Variants in FRMD3 observed in about 807,000 individuals in gnomAD.
The protein encoded by FRMD3 is FERM domain containing 3, also known as FERM domain-containing protein 3.
FRMD3 carries 33 observed loss-of-function variants against 70.2 expected under a neutral mutation model. That is an observed-to-expected ratio of 0.47 (90% CI 0.36 to 0.63). The LOEUF (loss-of-function observed/expected upper bound fraction) is 0.63, where lower values mean the gene tolerates loss of function less well. Among genes scored for constraint, FRMD3 ranks in the 20% least tolerant of loss-of-function variants. FRMD3 has a pLI of 0.00. For missense variants in FRMD3, 632 were observed against 711.4 expected, an observed-to-expected ratio of 0.89 and a Z score of 1.27; for synonymous variants, 279 against 255.9, an observed-to-expected ratio of 1.09 and a Z score of -0.86.
At chr9:83,333,386 G>A (rs1188279039) in intron 6 of FRMD3, among the ~76,000 whole-genome samples, 1 of 151,952 alleles carries the variant, frequency 6.6e-6, no homozygotes, top group African/African-American at 2.4e-5. Context: ...TTTATAAAGT[G>A]CGAGTGACTG....
At chr9:83,553,285 T>C in the FRMD3 span, among the ~76,000 whole-genome samples, 1 of 152,234 alleles carries the variant, frequency 6.6e-6, no homozygotes, top group Non-Finnish European at 1.5e-5. Context: ...TCTTTAAGAA[T>C]GTTGAATATA....
chr9:83,567,358 G>T, the FRMD3 span, among the ~76,000 whole-genome samples: 1 of 152,180 alleles, frequency 6.6e-6, no homozygotes, highest in Non-Finnish European at 1.5e-5. Context: ...AGGCCTCTGG[G>T]CCTGTGCTGG....
At chr9:83,268,180 C>T (rs1289903935) in intron 13 of FRMD3, among the ~76,000 whole-genome samples, 1 of 152,188 alleles carries the variant, frequency 6.6e-6, no homozygotes, top group Non-Finnish European at 1.5e-5. Flanking sequence ...TTTCAACACG[C>T]CTGCATACAT....
At chr9:83,549,001 T>C in the FRMD3 span, among the ~76,000 whole-genome samples, 1 of 152,080 alleles carries the variant, frequency 6.6e-6, no homozygotes, top group Non-Finnish European at 1.5e-5. Context: ...GAAAGTTACA[T>C]AGATAATCAT....
At chr9:83,436,160 C>T (rs568579279) in intron 1 of FRMD3, among the ~76,000 whole-genome samples, 164 of 152,238 alleles carry the variant, frequency 1.1e-3, no homozygotes, top group African/African-American at 3.7e-3. Context: ...CAATCCCTCT[C>T]CTGAGATTCT....
chr9:83,306,627 T>C (rs540667096), intron 10 of FRMD3, among the ~76,000 whole-genome samples: 3 of 152,280 alleles, frequency 2.0e-5, no homozygotes, highest in Admixed American at 6.5e-5. Flanking sequence ...CTTGGTCTCT[T>C]ACATGAAATA....
At chr9:83,267,021 G>C (rs775641305) in intron 13 of FRMD3, 58 of 1,550,728 alleles carry the variant, frequency 3.7e-5, no homozygotes, top group Non-Finnish European at 5.0e-5. Context: ...CCAGTGTTAC[G>C]AGCTGTGACC....
chr9:83,284,935 G>A (rs956927484), intron 13 of FRMD3, among the ~76,000 whole-genome samples: 1 of 152,192 alleles, frequency 6.6e-6, no homozygotes, highest in Non-Finnish European at 1.5e-5. Flanking sequence ...ACTGTGTAGT[G>A]CATGAAAGAC....
chr9:83,272,276 G>T (rs934543756), intron 13 of FRMD3, among the ~76,000 whole-genome samples: 11 of 146,136 alleles, frequency 7.5e-5, no homozygotes, highest in African/African-American at 2.7e-4. Context: ...ACTGGTTTTC[G>T]TTTTTTTTTT....
chr9:83,428,963 G>GCA (rs148101856), intron 1 of FRMD3, among the ~76,000 whole-genome samples: 2 of 150,024 alleles, frequency 1.3e-5, no homozygotes, highest in Admixed American at 6.6e-5. Flanking sequence ...AAACACACAC[G>GCA]CACACACACA....
intron 1 of FRMD3, among the ~76,000 whole-genome samples, chr9:83,407,388 C>T (rs756994535): frequency 6.6e-6 from 1 of 152,180 alleles, no homozygotes; most frequent in South Asian, 2.1e-4. Flanking sequence ...GAATTGCATA[C>T]TACTAGAAGT....
At chr9:83,467,674 C>T (rs1828165566) in intron 1 of FRMD3, 10 of 1,535,212 alleles carry the variant, frequency 6.5e-6, no homozygotes, top group South Asian at 2.4e-5. Flanking sequence ...AAAGGATTTG[C>T]AGTGCCGTGA....
chr9:83,560,834 T>C, the FRMD3 span, among the ~76,000 whole-genome samples: 1 of 152,156 alleles, frequency 6.6e-6, no homozygotes, highest in African/African-American at 2.4e-5. Flanking sequence ...GCCACCCAGC[T>C]TTGATAACCT....
chr9:83,361,443 C>T (rs1824581473), intron 3 of FRMD3, among the ~76,000 whole-genome samples: 1 of 152,200 alleles, frequency 6.6e-6, no homozygotes, highest in Non-Finnish European at 1.5e-5. Context: ...CTGCCCCTCA[C>T]TCTGGAGGCA....
At chr9:83,474,809 C>T (rs545310378) in intron 1 of FRMD3, among the ~76,000 whole-genome samples, 6 of 151,792 alleles carry the variant, frequency 4.0e-5, no homozygotes, top group African/African-American at 1.4e-4. Flanking sequence ...GTAAATTTCA[C>T]AAGCAGAAAG....
intron 1 of FRMD3, among the ~76,000 whole-genome samples, chr9:83,409,901 G>A (rs1013552147): frequency 4.6e-5 from 7 of 152,206 alleles, no homozygotes; most frequent in South Asian, 2.1e-4. Context: ...CCAACCAACC[G>A]GTCTGTCACA....
intron 1 of FRMD3, among the ~76,000 whole-genome samples, chr9:83,485,265 A>G (rs1587459268): frequency 6.6e-6 from 1 of 152,310 alleles, no homozygotes; most frequent in African/African-American, 2.4e-5. Flanking sequence ...CAGTAATTTG[A>G]TGTGGAAAAT....
At chr9:83,544,245 G>C in the FRMD3 span, among the ~76,000 whole-genome samples, 6 of 152,142 alleles carry the variant, frequency 3.9e-5, no homozygotes, top group Non-Finnish European at 2.9e-5. Context: ...ACAGAGGCAT[G>C]ATAGGGAAGA....
At chr9:83,440,204 C>T (rs994952841) in intron 1 of FRMD3, among the ~76,000 whole-genome samples, 3 of 152,192 alleles carry the variant, frequency 2.0e-5, no homozygotes, top group Non-Finnish European at 2.9e-5. Context: ...GAGCACTTCA[C>T]CTATACTCTA....
Sources: gnomAD v4.1 joint callset for allele counts (sites outside exome capture counted in the v4.1 genomes callset) on GRCh38, gnomAD v4.1.1 for gene constraint, MANE v1.5 for transcripts, NCBI Gene and HGNC (gene_info 2026-07-23, HGNC 2026-07-21) for gene names.